The following MSI2 variants were observed in gnomAD, a reference collection of about 807,000 sequenced individuals.
MSI2 encodes musashi RNA binding protein 2.
A neutral mutation model predicts 45.6 loss-of-function variants in MSI2; 17 were observed. That is an observed-to-expected ratio of 0.37 (90% CI 0.26 to 0.56). The LOEUF is 0.56. MSI2 is among the 20% of genes least tolerant of loss of function. MSI2 has a pLI of 0.77. For synonymous variants in MSI2, 156 were observed against 158.2 expected (o/e 0.99, Z 0.11); for missense variants, 293 against 444.2 (o/e 0.66, Z 3.06).
intron 7 of MSI2, among the ~76,000 whole-genome samples, chr17:57,537,477 AT>A (rs2086945661): frequency 6.6e-6 from 1 of 152,214 alleles, no homozygotes; most frequent in African/African-American, 2.4e-5. Context: ...TTCCTGAGAA[AT>A]TGGTGCAAAC....
chr17:57,274,686 T>C (rs929905659), intron 5 of MSI2, among the ~76,000 whole-genome samples: 3 of 152,252 alleles, frequency 2.0e-5, no homozygotes, highest in Non-Finnish European at 4.4e-5. Flanking sequence ...TGTGCGTTTA[T>C]GCATATAAAT....
At chr17:57,511,733 A>G (rs370955329) in intron 6 of MSI2, among the ~76,000 whole-genome samples, 92 of 152,268 alleles carry the variant, frequency 6.0e-4, no homozygotes, top group African/African-American at 2.2e-3. Flanking sequence ...CTATTTGGCA[A>G]TGGGGTATTG....
chr17:57,278,543 A>G (rs938308957), intron 5 of MSI2: 9 of 152,266 alleles, frequency 5.9e-5, no homozygotes, highest in African/African-American at 2.2e-4. Flanking sequence ...GGGCTGATCA[A>G]AGGCCATTTG....
chr17:57,308,746 A>G (rs1280164807), intron 5 of MSI2, among the ~76,000 whole-genome samples: 1 of 152,130 alleles, frequency 6.6e-6, no homozygotes, highest in Admixed American at 6.5e-5. Flanking sequence ...TCCATCCCTG[A>G]GAGTCTTCTC....
chr17:57,674,799 T>C, intron 11 of MSI2, 173 bp from the exon 12 acceptor site: 1 of 903,344 alleles, frequency 1.1e-6, no homozygotes, highest in Non-Finnish European at 1.7e-6. Flanking sequence ...TGTTTTCGCA[T>C]GGCCTTGGTT....
chr17:57,589,427 A>G (rs559816324), intron 7 of MSI2, among the ~76,000 whole-genome samples: 18 of 152,278 alleles, frequency 1.2e-4, no homozygotes, highest in African/African-American at 4.1e-4. Flanking sequence ...CACACTACTC[A>G]TCGCTTCTGC....
chr17:57,301,779 GT>G (rs34281730), intron 5 of MSI2, among the ~76,000 whole-genome samples: 76,044 of 148,040 alleles, frequency 0.51, 22,259 homozygotes, highest in Middle Eastern at 0.69. Context: ...AATATTCTTG[GT>G]TTTTTTTTTT....
intron 7 of MSI2, among the ~76,000 whole-genome samples, chr17:57,553,490 C>T (rs770287020): frequency 1.3e-5 from 2 of 152,186 alleles, no homozygotes; most frequent in Non-Finnish European, 2.9e-5. Flanking sequence ...CATTCTTCTC[C>T]CTGCTTTCCC....
intron 6 of MSI2, among the ~76,000 whole-genome samples, chr17:57,414,202 G>C (rs1254375107): frequency 1.3e-5 from 2 of 152,108 alleles, no homozygotes; most frequent in African/African-American, 4.8e-5. Context: ...TAGTCTCTTT[G>C]CCTTGACCTG....
chr17:57,464,856 G>A (rs184333381), intron 6 of MSI2, among the ~76,000 whole-genome samples: 9 of 152,304 alleles, frequency 5.9e-5, no homozygotes, highest in African/African-American at 1.7e-4. Flanking sequence ...AGTTGAAAAC[G>A]GTCCGTCTCC....
intron 9 of MSI2, among the ~76,000 whole-genome samples, chr17:57,617,150 G>A (rs1204874547): frequency 6.6e-6 from 1 of 152,182 alleles, no homozygotes; most frequent in Non-Finnish European, 1.5e-5. Flanking sequence ...ACAAGGGCAG[G>A]TAAAACTATT....
chr17:57,645,351 G>C (rs1286219906), intron 10 of MSI2, among the ~76,000 whole-genome samples: 1 of 152,232 alleles, frequency 6.6e-6, no homozygotes, highest in Non-Finnish European at 1.5e-5. Flanking sequence ...GGGGCTGGCA[G>C]ACTGAAGATG....
chr17:57,668,798 A>G (rs1284480720), intron 11 of MSI2, among the ~76,000 whole-genome samples: 1 of 152,212 alleles, frequency 6.6e-6, no homozygotes, highest in Non-Finnish European at 1.5e-5. Flanking sequence ...CCCCAGTTTT[A>G]AAGTATTTTC....
intron 10 of MSI2, among the ~76,000 whole-genome samples, chr17:57,646,354 T>C (rs111576586): frequency 2.6e-5 from 4 of 152,324 alleles, no homozygotes; most frequent in African/African-American, 9.6e-5. Context: ...TTGCACTAGA[T>C]CATCACAACT....
At chr17:57,585,699 A>C (rs1199008247) in intron 7 of MSI2, among the ~76,000 whole-genome samples, 2 of 152,182 alleles carry the variant, frequency 1.3e-5, no homozygotes. Flanking sequence ...GGGGGTACCA[A>C]CCCAAAAACC....
At chr17:57,472,419 C>G (rs1020437143) in intron 6 of MSI2, among the ~76,000 whole-genome samples, 1 of 151,948 alleles carries the variant, frequency 6.6e-6, no homozygotes, top group African/African-American at 2.4e-5. Flanking sequence ...GGAGTAGTGA[C>G]TGGGGGGTCC....
At chr17:57,353,750 T>G (rs955112832) in intron 5 of MSI2, among the ~76,000 whole-genome samples, 2 of 152,226 alleles carry the variant, frequency 1.3e-5, no homozygotes, top group Non-Finnish European at 2.9e-5. Context: ...TTCGAAGACC[T>G]GGTTCTCTTG....
intron 6 of MSI2, among the ~76,000 whole-genome samples, chr17:57,500,762 C>T (rs984666077): frequency 1.4e-5 from 2 of 138,230 alleles, no homozygotes; most frequent in Admixed American, 1.5e-4. Context: ...TGCTTGAGCT[C>T]AGGAGTTCGA....
chr17:57,617,938 G>T (rs577417483), intron 9 of MSI2, among the ~76,000 whole-genome samples: 45 of 152,080 alleles, frequency 3.0e-4, no homozygotes, highest in Non-Finnish European at 5.9e-4. Flanking sequence ...GGGCACTGCA[G>T]CACGTGCCCG....
Sources: allele counts gnomAD v4.1 joint callset (sites outside exome capture counted in the v4.1 genomes callset), GRCh38; gene constraint gnomAD v4.1.1; transcripts MANE v1.5; gene names NCBI Gene and HGNC (gene_info 2026-07-23, HGNC 2026-07-21).